BICRA: variants seen among roughly 807,000 people sequenced by gnomAD.
BICRA encodes BRD4-interacting chromatin-remodeling complex-associated protein.
BICRA carries 31 observed loss-of-function variants against 96.9 expected under a neutral mutation model. The observed-to-expected ratio is 0.32, with a 90% CI of 0.24 to 0.43. BICRA has a LOEUF of 0.43. Among genes scored for constraint, BICRA ranks in the 20% least tolerant of loss-of-function variants. The probability of loss-of-function intolerance (pLI) is 1.00; values close to 1 mark genes in which losing one functional copy is unlikely to be tolerated. For missense variants in BICRA, 2,283 were observed against 2,190.3 expected (o/e 1.04, Z -0.84); for synonymous variants, 1,350 against 1,071.8 (o/e 1.26, Z -5.07).
At position 47,680,690 on chromosome 19, in the gene BICRA, G is replaced by A. The variant is rs1427207755; in HGVS notation, c.1520G>A (p.Gly507Glu). The change falls in exon 6 of 15, where the codon GGA (glycine) becomes GAA (glutamate). Residue 507 changes from glycine (G) to glutamate (E), a missense_variant. Gly to Glu is a moderately conservative substitution (Grantham distance 98). Coordinates refer to ENST00000594866, the MANE Select transcript of BICRA (RefSeq NM_001394372.1). ...GCGGCCGCTGCCCCCCACACAGGTG[G>A]ACAGCTCATCGCGAACCCCATCCTC... ...ILAAAAPHTG[G>E]QLIANPILTN... The A allele has an allele frequency of 1.2e-6, 2 of 1,603,066 alleles. No homozygotes were observed. Among genetic ancestry groups the A allele is most frequent in the Non-Finnish European group, 8.5e-7 (1 of 1,174,974 alleles).
chr19:47,685,289 C>T (rs1438689791), intron 7 of BICRA, among the ~76,000 whole-genome samples: 3 of 152,206 alleles, frequency 2.0e-5, no homozygotes, highest in South Asian at 2.1e-4. Context: ...CCTGGCCACG[C>T]GGATGACCTT....
At position 47,694,704 on chromosome 19, in the gene BICRA, C is replaced by T; in HGVS notation, c.2873C>T (p.Ala958Val). 6.4e-7 allele frequency: 1 copy of T among 1,563,026 alleles called. No individual in the cohort carries two copies. The highest frequency in any genetic ancestry group is 8.7e-7 in the Non-Finnish European group (1 of 1,145,600). ...TPFPALPQPK[A>V]LLERFHQVPS... is the part of the protein sequence containing the mutation. The stretch of plus-strand genomic sequence containing the variant: ...TTCCCAGCGCTGCCCCAGCCGAAGG[C>T]TCTTCTCGAGAGATTTCACCAGGTA... Residue 958 changes from alanine (A) to valine (V), a missense_variant, in exon 8 of 15, where the codon GCT becomes GTT. Coordinates refer to ENST00000594866, the MANE Select transcript of BICRA (RefSeq NM_001394372.1).
In BICRA at chr19:47,680,368, A is replaced by C. The variant is rs997507499; in HGVS notation, c.1198A>C (p.Met400Leu). ...QPKAPQNLTF[M>L]AAGKAGQNVV... The stretch of plus-strand genomic sequence containing the variant: ...CAAGGCCCCGCAGAACCTGACGTTC[A>C]TGGCGGCGGGGAAGGCGGGCCAGAA... The change falls in exon 6 of 15, where the codon ATG (methionine) becomes CTG (leucine). Residue 400 changes from methionine (M) to leucine (L), a missense_variant. Transcript: ENST00000594866. The C allele has an allele frequency of 6.5e-7, 1 of 1,530,486 alleles. No homozygotes were observed. The highest frequency in any genetic ancestry group is 8.7e-7 in the Non-Finnish European group (1 of 1,143,456). The allele number at this position is 1,530,486 out of a possible 1,614,324, so 94.8% of individuals were successfully genotyped here.
intron 1 of BICRA, among the ~76,000 whole-genome samples, chr19:47,609,913 A>AC (rs976308892): frequency 6.6e-6 from 1 of 151,574 alleles, no homozygotes; most frequent in Non-Finnish European, 1.5e-5. Context: ...GAGGGAGGTG[A>AC]CCCCCTCCCC....
intron 1 of BICRA, among the ~76,000 whole-genome samples, chr19:47,617,176 A>G (rs1202948895): frequency 6.6e-6 from 1 of 152,086 alleles, no homozygotes; most frequent in Non-Finnish European, 1.5e-5. Context: ...AGGTCTTGCT[A>G]TATTGCTCAG....
At chr19:47,656,219 A>G (rs1014846409) in intron 1 of BICRA, among the ~76,000 whole-genome samples, 3 of 151,810 alleles carry the variant, frequency 2.0e-5, no homozygotes, top group South Asian at 2.1e-4. Context: ...TTTTCACACC[A>G]CTGCACCCCA....
chr19:47,673,757 G>A lies in BICRA; in HGVS notation c.79G>A (p.Glu27Lys), dbSNP rs1599841977. Residue 27 changes from glutamate to lysine, a missense_variant, in exon 4 of 15, where the codon GAG (glutamate) becomes AAG (lysine). By Grantham distance (56) the Glu-to-Lys change is moderately conservative. Transcript: ENST00000594866. ...CCTCAATGACTTCTTGCATGGATCC[G>A]AGAAGGTAAGCATGGGCGCAGGGAG... The part of the protein sequence containing the change: ...QALNDFLHGS[E>K]KLDSDDLLDN... The A allele has an allele frequency of 2.5e-6, 4 of 1,612,674 alleles. No individual in the cohort carries two copies. Among genetic ancestry groups the A allele is most frequent in the Non-Finnish European group, 2.5e-6 (3 of 1,179,014 alleles).
chr19:47,692,229 A>G (rs185389576), intron 7 of BICRA, among the ~76,000 whole-genome samples: 2 of 151,384 alleles, frequency 1.3e-5, no homozygotes, highest in African/African-American at 2.4e-5. Flanking sequence ...GTACTTGAAT[A>G]TTCTTTTTTT....
Position 47,693,325 on chromosome 19 carries a change from C to A in BICRA, c.2284-790C>A, listed in dbSNP as rs192594800. Among the ~76,000 whole-genome samples the A allele has an allele frequency of 5.3e-5, 8 of 152,376 alleles. No individual in the cohort carries two copies. The East Asian group carries it at 1.5e-3, about 29-fold the overall frequency. ...ACTAGCACCAGATCGCGTGTGCTTG[C>A]AGACACAGGCTTCATCAGAGTCTGG... On this transcript the variant is annotated intron_variant, in intron 7 of 14. Transcript: ENST00000594866.
chr19:47,609,941 C>A (rs1599773463), intron 1 of BICRA, among the ~76,000 whole-genome samples: 1 of 132,606 alleles, frequency 7.5e-6, no homozygotes, highest in Non-Finnish European at 1.6e-5. Context: ...AGCTGAGGCT[C>A]ATCCCGGAGG....
intron 1 of BICRA, among the ~76,000 whole-genome samples, chr19:47,626,873 C>A (rs981510993): frequency 6.6e-6 from 1 of 151,886 alleles, no homozygotes; most frequent in Non-Finnish European, 1.5e-5. Flanking sequence ...AGGCGCCCAC[C>A]ACCACACCCA....
At chr19:47,650,020 C>T (rs1568557568) in intron 1 of BICRA, among the ~76,000 whole-genome samples, 2 of 152,012 alleles carry the variant, frequency 1.3e-5, no homozygotes, top group Admixed American at 6.5e-5. Flanking sequence ...GGCACAATAT[C>T]AGCTCACTGC....
At chr19:47,632,970 A>T (rs955047361) in intron 1 of BICRA, among the ~76,000 whole-genome samples, 3 of 152,132 alleles carry the variant, frequency 2.0e-5, no homozygotes, top group Non-Finnish European at 4.4e-5. Flanking sequence ...TGATAGCACC[A>T]AAGAGTTCAG....
rs955628925 is a variant in BICRA, at chr19:47,675,791, T to G, written c.85-60T>G. 9 of 1,365,978 alleles carry G rather than the reference T, an allele frequency of 6.6e-6. No individual in the cohort carries two copies. The highest frequency in any genetic ancestry group is 9.3e-6 in the Non-Finnish European group (9 of 969,434). The allele number at this position is 1,365,978 out of a possible 1,614,324, so 84.6% of individuals were successfully genotyped here. On this transcript the variant is annotated intron_variant, in intron 4 of 14. Transcript: ENST00000594866. This position sits in a 1 kb window ranked among gnomAD's most constrained non-coding sequence, Gnocchi z 4.7. ...TGAGTGACCCTAAATTGGTTTCTGC[T>G]CCAGAGCATGGGCCTGCCCTGCTGA...
At chr19:47,626,762 C>G (rs1414273754) in intron 1 of BICRA, among the ~76,000 whole-genome samples, 1 of 145,500 alleles carries the variant, frequency 6.9e-6, no homozygotes, top group African/African-American at 2.5e-5. Context: ...CGCTCGGTCA[C>G]CTAGGCTGGA....
chr19:47,695,347 CACCCCACCCA>C lies in BICRA; in HGVS notation c.3077-17_3077-8del. On this transcript the variant is annotated splice_polypyrimidine_tract_variant and splice_region_variant and intron_variant, in intron 9 of 14. Coordinates refer to ENST00000594866, the MANE Select transcript of BICRA (RefSeq NM_001394372.1). The stretch of plus-strand genomic sequence containing the variant: ...CAGTGACCGCAGGCCCTGTCTCCCC[CACCCCACCCA>C]CCCCCAGGCCTCCCTCCTCTGCTTC... The C allele has an allele frequency of 1.9e-6, 1 of 524,806 alleles. No individual in the cohort carries two copies. The highest frequency in any genetic ancestry group is 3.5e-6 in the Non-Finnish European group (1 of 284,338). The allele number at this position is 524,806 out of a possible 1,614,324, so 32.5% of individuals were successfully genotyped here.
At position 47,698,602 on chromosome 19, in the gene BICRA, C is replaced by T; in HGVS notation, c.3249-32C>T. 1 of 1,092,642 alleles carries T rather than the reference C, an allele frequency of 9.2e-7. No homozygotes were observed. The highest frequency in any genetic ancestry group is 1.4e-6 in the Non-Finnish European group (1 of 712,416). 67.7% of individuals were successfully genotyped at this position (1,092,642 alleles called of 1,614,324 possible). On this transcript the variant is annotated intron_variant, in intron 11 of 14. Coordinates refer to ENST00000594866, the MANE Select transcript of BICRA (RefSeq NM_001394372.1). The surrounding 1 kb of genome is among the most constrained non-coding windows in gnomAD (Gnocchi z 4.8). ...CCTCACCCGTCCCCCCCACCCTCCG[C>T]CGTGTGTGGTCTCTCCCCTTTCCAC...
chr19:47,695,345 C>CA lies in BICRA; in HGVS notation c.3077-20_3077-19insA, dbSNP rs1568577675. ...TGCAGTGACCGCAGGCCCTGTCTCC[C>CA]CCACCCCACCCACCCCCAGGCCTCC... is the stretch of plus-strand genomic sequence containing the variant. On this transcript the variant is annotated intron_variant, in intron 9 of 14. Coordinates refer to ENST00000594866, the MANE Select transcript of BICRA (RefSeq NM_001394372.1). 2 of 507,352 alleles carry CA rather than the reference C, an allele frequency of 3.9e-6. No homozygotes were observed. Among genetic ancestry groups the CA allele is most frequent in the Non-Finnish European group, 3.6e-6 (1 of 274,480 alleles). The allele number at this position is 507,352 out of a possible 1,614,324, so 31.4% of individuals were successfully genotyped here. A position where few individuals can be genotyped will look rare whatever the true frequency, so the allele number is the denominator to read the frequency against.
At chr19:47,609,014 G>C (rs1297832575), upstream of BICRA, 4 of 146,106 alleles carry the variant, frequency 2.7e-5, no homozygotes, top group Non-Finnish European at 6.1e-5. Context: ...GGCGCGGGGC[G>C]GCGGCGGGGG....
Sources: gnomAD v4.1 joint callset for allele counts (sites outside exome capture counted in the v4.1 genomes callset) on GRCh38, gnomAD v4.1.1 for gene constraint, Gnocchi (gnomAD v3.1) non-coding constraint, MANE v1.5 for transcripts, NCBI Gene and HGNC (gene_info 2026-07-23, HGNC 2026-07-21) for gene names.